The following RALYL variants were observed in gnomAD, a reference collection of about 807,000 sequenced individuals.
The protein encoded by RALYL is RNA-binding Raly-like protein.
Under a neutral mutation model 35.1 loss-of-function variants are expected in RALYL, and 29 were observed. The ratio of observed to expected loss-of-function variants is 0.83; its 90% CI spans 0.61 to 1.13. The LOEUF is 1.13. Ranked by LOEUF, RALYL falls within the 50% of genes most tolerant of loss-of-function variation. RALYL has a pLI of 0.00. For synonymous variants in RALYL, 120 were observed against 127.6 expected, an observed-to-expected ratio of 0.94 and a Z score of 0.40; for missense variants, 359 against 360.4, an observed-to-expected ratio of 1.00 and a Z score of 0.03.
chr8:84,677,713 G>A lies in RALYL; in HGVS notation c.257-96866G>A, dbSNP rs1834502299. 2.6e-5 allele frequency among the ~76,000 whole-genome samples: 4 copies of A among 152,188 alleles called. No individual in the cohort carries two copies. In the South Asian group the frequency reaches 8.3e-4, roughly 32 times the overall value. On this transcript the variant is annotated intron_variant, in intron 2 of 8. Transcript: ENST00000521268. ...AATGAAAGATGCAGTTATTTCAGCT[G>A]CTTTCTCAGGTAAAGCTGTTTTTAA...
At chr8:84,880,567 C>A (rs1842005762) in intron 7 of RALYL, among the ~76,000 whole-genome samples, 1 of 152,038 alleles carries the variant, frequency 6.6e-6, no homozygotes, top group East Asian at 1.9e-4. Context: ...CACCCCTTCC[C>A]TCTATTTTCC....
At chr8:84,360,307 T>C (rs1852721091) in intron 1 of RALYL, among the ~76,000 whole-genome samples, 1 of 152,236 alleles carries the variant, frequency 6.6e-6, no homozygotes, top group Non-Finnish European at 1.5e-5. Context: ...ATATAGTTGA[T>C]GCTAAGTAAG....
intron 2 of RALYL, among the ~76,000 whole-genome samples, chr8:84,716,499 G>A (rs1842961183): frequency 6.6e-6 from 1 of 152,136 alleles, no homozygotes; most frequent in Non-Finnish European, 1.5e-5. Flanking sequence ...AAGATAAATG[G>A]TCACTTGCAT....
chr8:84,629,809 A>G (rs1184071213), intron 2 of RALYL, among the ~76,000 whole-genome samples: 6 of 151,992 alleles, frequency 3.9e-5, no homozygotes, highest in African/African-American at 1.4e-4. Flanking sequence ...GTGTTTTCTA[A>G]TTTTCCTACA....
intron 1 of RALYL, among the ~76,000 whole-genome samples, chr8:84,466,723 A>G (rs2051722733): frequency 6.6e-6 from 1 of 152,030 alleles, no homozygotes; most frequent in Admixed American, 6.6e-5. Context: ...GAATGGTACC[A>G]GTTCCTCCTT....
At chr8:84,424,558 T>A (rs943067921) in intron 1 of RALYL, among the ~76,000 whole-genome samples, 5 of 151,252 alleles carry the variant, frequency 3.3e-5, no homozygotes, top group African/African-American at 1.2e-4. Context: ...CTCGTCAAAG[T>A]CATTCTCCAT....
At chr8:84,420,179 C>G (rs928049024) in intron 1 of RALYL, among the ~76,000 whole-genome samples, 1 of 152,026 alleles carries the variant, frequency 6.6e-6, no homozygotes, top group Non-Finnish European at 1.5e-5. Context: ...AAAAGTGTTC[C>G]TATTTCTCCA....
chr8:84,268,451 T>C (rs12680433), intron 1 of RALYL, among the ~76,000 whole-genome samples: 5,509 of 152,250 alleles, frequency 0.036, 127 homozygotes, highest in East Asian at 0.12. Context: ...TAGAGTAAGC[T>C]CAGTCTAAAG....
intron 1 of RALYL, among the ~76,000 whole-genome samples, chr8:84,452,423 T>C (rs2049595627): frequency 6.6e-6 from 1 of 151,978 alleles, no homozygotes; most frequent in African/African-American, 2.4e-5. Flanking sequence ...AAGTCAAAAC[T>C]TATAGGTGAT....
intron 2 of RALYL, among the ~76,000 whole-genome samples, chr8:84,633,810 C>A (rs1824447789): frequency 6.6e-6 from 1 of 151,766 alleles, no homozygotes; most frequent in Non-Finnish European, 1.5e-5. Flanking sequence ...TATTCTGCCA[C>A]CATAGAAAGA....
chr8:84,695,075 C>A (rs1389504513), intron 2 of RALYL, among the ~76,000 whole-genome samples: 1 of 151,634 alleles, frequency 6.6e-6, no homozygotes, highest in African/African-American at 2.4e-5. Flanking sequence ...TAGGATTAAC[C>A]AGAAATGCCT....
intron 2 of RALYL, among the ~76,000 whole-genome samples, chr8:84,589,492 G>A (rs371305343): frequency 1.3e-5 from 2 of 152,084 alleles, no homozygotes; most frequent in East Asian, 1.9e-4. Flanking sequence ...AACCATTGCA[G>A]TAGCATATAT....
chr8:84,732,152 G>GTGCTT (rs1344135197), intron 2 of RALYL, among the ~76,000 whole-genome samples: 3 of 152,016 alleles, frequency 2.0e-5, no homozygotes, highest in Non-Finnish European at 2.9e-5. Flanking sequence ...ATTAATAAGT[G>GTGCTT]TGCTTTTTGT....
intron 2 of RALYL, among the ~76,000 whole-genome samples, chr8:84,698,559 T>G (rs1452693906): frequency 6.6e-6 from 1 of 152,020 alleles, no homozygotes; most frequent in Admixed American, 6.6e-5. Flanking sequence ...TGTGCCCCAC[T>G]ACCACATATA....
intron 2 of RALYL, among the ~76,000 whole-genome samples, chr8:84,532,309 A>G (rs2059328385): frequency 6.6e-6 from 1 of 152,036 alleles, no homozygotes; most frequent in Admixed American, 6.6e-5. Flanking sequence ...AAGTTAGTTC[A>G]TCCATCAGGT....
At chr8:84,821,787 C>T (rs1828584760) in intron 4 of RALYL, among the ~76,000 whole-genome samples, 1 of 152,124 alleles carries the variant, frequency 6.6e-6, no homozygotes, top group Admixed American at 6.5e-5. Context: ...TAGCAAAAGC[C>T]ACACATCACT....
At chr8:84,898,282 G>A (rs1318719940) in intron 8 of RALYL, among the ~76,000 whole-genome samples, 1 of 152,146 alleles carries the variant, frequency 6.6e-6, no homozygotes, top group African/African-American at 2.4e-5. Flanking sequence ...AGGTGATTGT[G>A]GTGCCTACTG....
intron 8 of RALYL, among the ~76,000 whole-genome samples, chr8:84,895,339 C>CA (rs375792626): frequency 0.023 from 2,466 of 105,182 alleles, 40 homozygotes; most frequent in African/African-American, 0.046. Flanking sequence ...TGCACTATGA[C>CA]AAAAAAAAAA....
At chr8:84,307,518 A>G (rs1842050270) in intron 1 of RALYL, among the ~76,000 whole-genome samples, 1 of 152,214 alleles carries the variant, frequency 6.6e-6, no homozygotes, top group South Asian at 2.1e-4. Flanking sequence ...ATTTTAAATT[A>G]TTTCATTGAT....
Sources: allele counts gnomAD v4.1 joint callset (sites outside exome capture counted in the v4.1 genomes callset), GRCh38; gene constraint gnomAD v4.1.1; transcripts MANE v1.5; gene names NCBI Gene and HGNC (gene_info 2026-07-23, HGNC 2026-07-21).